Variants in ZNG1A observed in about 807,000 individuals in gnomAD.
ZNG1A encodes the protein zinc-regulated GTPase metalloprotein activator 1A.
chr9:158,365 C>A, the ZNG1A span, among the ~76,000 whole-genome samples: 1 of 151,802 alleles, frequency 6.6e-6, no homozygotes, highest in Non-Finnish European at 1.5e-5. Flanking sequence ...TTTGGCAAGG[C>A]ATCTGCCTCT....
At chr9:157,699 T>A in the ZNG1A span, among the ~76,000 whole-genome samples, 4 of 149,766 alleles carry the variant, frequency 2.7e-5, no homozygotes, top group Non-Finnish European at 4.5e-5. Context: ...TGACATAATT[T>A]TAAAGTCTTT....
the ZNG1A span, among the ~76,000 whole-genome samples, chr9:155,111 A>G: frequency 2.0e-5 from 3 of 151,804 alleles, no homozygotes; most frequent in Non-Finnish European, 2.9e-5. Context: ...AAAGTTTACA[A>G]TCAAAAGGAT....
the ZNG1A span, chr9:147,342 T>C: frequency 9.4e-6 from 1 of 106,744 alleles, no homozygotes; most frequent in South Asian, 3.0e-4. Flanking sequence ...AAAAACATCA[T>C]TGGTCAGATT....
the ZNG1A span, among the ~76,000 whole-genome samples, chr9:127,249 G>A: frequency 6.6e-6 from 1 of 152,048 alleles, no homozygotes; most frequent in East Asian, 1.9e-4. Context: ...TTTCTGTCTT[G>A]ATGACCTGTC....
the ZNG1A span, chr9:123,706 C>T: frequency 1.7e-6 from 1 of 579,032 alleles, no homozygotes; most frequent in Non-Finnish European, 3.0e-6. Flanking sequence ...AAAACTCACT[C>T]AAAAACCCTG....
At chr9:176,443 T>C in the ZNG1A span, among the ~76,000 whole-genome samples, 3 of 150,288 alleles carry the variant, frequency 2.0e-5, no homozygotes, top group Non-Finnish European at 3.0e-5. Flanking sequence ...AGTGTTTTAC[T>C]ATTACAGTGC....
At chr9:159,536 T>C in the ZNG1A span, among the ~76,000 whole-genome samples, 1 of 152,178 alleles carries the variant, frequency 6.6e-6, no homozygotes, top group Non-Finnish European at 1.5e-5. Flanking sequence ...TAAATATATA[T>C]AATTTTTACT....
At chr9:172,891 A>G in the ZNG1A span, 1 of 297,998 alleles carries the variant, frequency 3.4e-6, no homozygotes, top group Non-Finnish European at 6.3e-6. Flanking sequence ...CTAGTAGAAC[A>G]TAACGTAAGG....
chr9:121,997 C>T, the ZNG1A span: 81 of 1,611,680 alleles, frequency 5.0e-5, no homozygotes, highest in Non-Finnish European at 6.7e-5. Flanking sequence ...TCAGTGTCAT[C>T]CTTCCAGCTC....
the ZNG1A span, among the ~76,000 whole-genome samples, chr9:125,821 T>C: frequency 2.4e-4 from 12 of 50,036 alleles, 4 homozygotes; most frequent in African/African-American, 9.4e-4. Flanking sequence ...TTCCACTTTA[T>C]GTTTTTGTTT....
the ZNG1A span, chr9:154,894 T>C: frequency 8.4e-7 from 1 of 1,183,632 alleles, no homozygotes; most frequent in East Asian, 2.4e-5. Flanking sequence ...CAAAAATAAA[T>C]AAAAACGCCT....
At chr9:175,600 C>T in the ZNG1A span, 11 of 1,351,340 alleles carry the variant, frequency 8.1e-6, no homozygotes, top group Admixed American at 5.3e-5. Flanking sequence ...CAATACAATA[C>T]CTTGCATTTT....
chr9:120,951 T>A, the ZNG1A span: 36,215 of 162,254 alleles, frequency 0.22, 2,910 homozygotes, highest in Admixed American at 0.26. Context: ...AAGAGCACAG[T>A]ATGAAATGGG....
the ZNG1A span, chr9:160,267 T>C: frequency 2.3e-6 from 1 of 442,474 alleles, no homozygotes; most frequent in Non-Finnish European, 4.5e-6. Context: ...TTCTCAGCTT[T>C]ACTTGTGATG....
the ZNG1A span, chr9:167,701 A>G: frequency 2.1e-4 from 31 of 150,288 alleles, 1 homozygote; most frequent in Non-Finnish European, 2.7e-4. Context: ...AACTAGGCCA[A>G]TTAATATCCT....
chr9:149,309 T>C, the ZNG1A span: 2 of 150,990 alleles, frequency 1.3e-5, no homozygotes, highest in South Asian at 4.2e-4. Context: ...GTAAGTTCTC[T>C]ATCTCTTCAG....
chr9:144,727 AG>A, the ZNG1A span, among the ~76,000 whole-genome samples: 1 of 151,738 alleles, frequency 6.6e-6, no homozygotes, highest in African/African-American at 2.4e-5. Flanking sequence ...GCTTCTGCAC[AG>A]CAAAAGAAAC....
the ZNG1A span, chr9:150,945 T>C: frequency 1.0e-6 from 1 of 982,042 alleles, no homozygotes. Flanking sequence ...TTAAGTATTA[T>C]GCACTTGTCT....
the ZNG1A span, among the ~76,000 whole-genome samples, chr9:169,095 CAAAGT>C: frequency 6.6e-6 from 1 of 152,006 alleles, no homozygotes; most frequent in African/African-American, 2.4e-5. Flanking sequence ...TGGATCTGGG[CAAAGT>C]AAATTGAAAA....
Sources: gnomAD v4.1 joint callset for allele counts (sites outside exome capture counted in the v4.1 genomes callset) on GRCh38, gnomAD v4.1.1 for gene constraint, MANE v1.5 for transcripts, NCBI Gene and HGNC (gene_info 2026-07-23, HGNC 2026-07-21) for gene names.